Variants in BCAS3 observed in about 807,000 individuals in gnomAD.
The protein encoded by BCAS3 is BCAS4/BCAS3 fusion.
BCAS3 carries 53 observed loss-of-function variants against 116.1 expected under a neutral mutation model. The observed-to-expected ratio is 0.46, with a 90% CI of 0.37 to 0.57. The LOEUF (loss-of-function observed/expected upper bound fraction) is 0.57, where lower values mean the gene tolerates loss of function less well. BCAS3 is among the 20% of genes least tolerant of loss of function. The pLI is 0.00. For synonymous variants in BCAS3, 391 were observed against 408.2 expected, an observed-to-expected ratio of 0.96 and a Z score of 0.51; for missense variants, 917 against 1,165.4, an observed-to-expected ratio of 0.79 and a Z score of 3.10.
At chr17:61,114,005 A>G (rs1205789664) in intron 22 of BCAS3, among the ~76,000 whole-genome samples, 2 of 151,360 alleles carry the variant, frequency 1.3e-5, no homozygotes, top group East Asian at 3.9e-4. Flanking sequence ...TTATCTCAAT[A>G]GATGCAGAAA....
chr17:61,151,835 C>A lies in BCAS3; in HGVS notation c.2425+67271C>A, dbSNP rs1411770949. On this transcript the variant is annotated intron_variant, in intron 22 of 23. Transcript: ENST00000407086. This position sits in a 1 kb window ranked among gnomAD's most constrained non-coding sequence, Gnocchi z 4.8. ...CTGGATACAGTGTTGATGAGATAGA[C>A]CACAGGCTTTTCATGCCAATACTCC... 1.3e-5 allele frequency among the ~76,000 whole-genome samples: 2 copies of A among 152,148 alleles called. No homozygotes were observed. Among genetic ancestry groups the A allele is most frequent in the African/African-American group, 4.8e-5 (2 of 41,420 alleles).
rs1024518935 is a variant in BCAS3, at chr17:61,189,019, C to CT, written c.2425+104457dup. Among the ~76,000 whole-genome samples, 10 of 152,054 alleles carry CT rather than the reference C, an allele frequency of 6.6e-5. No individual in the cohort carries two copies. The East Asian group carries it at 1.5e-3, about 24-fold the overall frequency. Reference sequence around the variant, plus strand: ...TTGGGAGGTTAAAGCAGGAGAATTGCTTGAGGCCGGGAGATTGAGGCTGCA... The same window carrying CT: ...TTGGGAGGTTAAAGCAGGAGAATTGCTTTGAGGCCGGGAGATTGAGGCTGCA... On this transcript the variant is annotated intron_variant, in intron 22 of 23. Transcript: ENST00000407086. The surrounding 1 kb of genome is among the most constrained non-coding windows in gnomAD (Gnocchi z 4.5).
intron 22 of BCAS3, among the ~76,000 whole-genome samples, chr17:61,195,447 C>A (rs1414356781): frequency 6.6e-6 from 1 of 152,190 alleles, no homozygotes; most frequent in African/African-American, 2.4e-5. Flanking sequence ...GCAGCCTCAA[C>A]CTCCTGGGCT....
At chr17:60,736,892 C>A (rs1437662009) in intron 5 of BCAS3, among the ~76,000 whole-genome samples, 1 of 130,494 alleles carries the variant, frequency 7.7e-6, no homozygotes. Context: ...CTCCCTCCCT[C>A]CCTCCCTTCC....
At chr17:61,197,172 T>C (rs1221960650) in intron 22 of BCAS3, among the ~76,000 whole-genome samples, 1 of 152,232 alleles carries the variant, frequency 6.6e-6, no homozygotes, top group African/African-American at 2.4e-5. Flanking sequence ...GAAGAGTATA[T>C]GACTTTCAAA....
Position 61,365,937 on chromosome 17 carries a change from G to A in BCAS3, c.2426-2390G>A, listed in dbSNP as rs1662640931. 6.6e-6 allele frequency among the ~76,000 whole-genome samples: 1 copy of A among 152,076 alleles called. No individual in the cohort carries two copies. Among genetic ancestry groups the A allele is most frequent in the South Asian group, 2.1e-4 (1 of 4,822 alleles). ...ACAGGTGGATCGTTTGAGATCAGAA[G>A]TTCAAGACCAGCCTGGCCTACATGG... On this transcript the variant is annotated intron_variant, in intron 22 of 23. Coordinates refer to ENST00000407086, the MANE Select transcript of BCAS3 (RefSeq NM_017679.5). The surrounding 1 kb of genome is among the most constrained non-coding windows in gnomAD (Gnocchi z 4.6).
intron 6 of BCAS3, among the ~76,000 whole-genome samples, chr17:60,798,545 C>T (rs576388230): frequency 2.2e-4 from 34 of 152,248 alleles, no homozygotes; most frequent in African/African-American, 7.9e-4. Context: ...TCTTTTTAGT[C>T]TGTTGTTTGG....
At chr17:60,935,002 A>G (rs1232329973) in intron 13 of BCAS3, among the ~76,000 whole-genome samples, 1 of 152,142 alleles carries the variant, frequency 6.6e-6, no homozygotes, top group Non-Finnish European at 1.5e-5. Context: ...TACTAACAAT[A>G]CAAAAATCAG....
intron 19 of BCAS3, among the ~76,000 whole-genome samples, chr17:61,048,624 A>C (rs1461877213): frequency 1.3e-5 from 2 of 151,974 alleles, no homozygotes; most frequent in Non-Finnish European, 2.9e-5. Context: ...AGCTATAATC[A>C]CTGAGTTGAG....
In BCAS3 at chr17:61,020,954, TA is replaced by T. The variant is rs1317462100; in HGVS notation, c.1637+5056del. ...ACTAGGTGGAGCACTTTTTGTGAAGTAAACATGGGATGATTTGCTCTCTCGT... is the reference window on the plus strand; with the variant it reads ...ACTAGGTGGAGCACTTTTTGTGAAGTAACATGGGATGATTTGCTCTCTCGT... On this transcript the variant is annotated intron_variant, in intron 16 of 23. Transcript: ENST00000407086. This position sits in a 1 kb window ranked among gnomAD's most constrained non-coding sequence, Gnocchi z 4.5. 3.3e-5 allele frequency among the ~76,000 whole-genome samples: 5 copies of T among 152,210 alleles called. No homozygotes were observed. Among genetic ancestry groups the T allele is most frequent in the Non-Finnish European group, 5.9e-5 (4 of 68,014 alleles).
chr17:60,978,662 C>T (rs1445395973), intron 14 of BCAS3, among the ~76,000 whole-genome samples: 3 of 152,140 alleles, frequency 2.0e-5, no homozygotes, highest in Non-Finnish European at 4.4e-5. Context: ...TTTAATCCAT[C>T]CTGAATTGAT....
At chr17:61,147,372 G>A (rs973254715) in intron 22 of BCAS3, among the ~76,000 whole-genome samples, 25 of 151,852 alleles carry the variant, frequency 1.6e-4, no homozygotes, top group African/African-American at 4.8e-4. Context: ...CACCGCACCC[G>A]GCCATACCTG....
chr17:61,026,774 A>G lies in BCAS3; in HGVS notation c.1638-7892A>G. ...ACTAATTTTTTAGTTATTTTTATCCATACTCTATAACAGTATGATATACTT... is the reference window on the plus strand; with the variant it reads ...ACTAATTTTTTAGTTATTTTTATCCGTACTCTATAACAGTATGATATACTT... On this transcript the variant is annotated intron_variant, in intron 16 of 23. Transcript: ENST00000407086. The surrounding 1 kb of genome is among the most constrained non-coding windows in gnomAD (Gnocchi z 5.0). The G allele has an allele frequency of 8.4e-7, 1 of 1,195,254 alleles. No homozygotes were observed. Among genetic ancestry groups the G allele is most frequent in the Non-Finnish European group, 1.2e-6 (1 of 830,222 alleles). 74.0% of individuals were successfully genotyped at this position (1,195,254 alleles called of 1,614,324 possible). A position where few individuals can be genotyped will look rare whatever the true frequency, so the allele number is the denominator to read the frequency against.
rs559006160 is a variant in BCAS3, at chr17:60,944,146, A to G, written c.1088-3073A>G. ...AATAATAAATATAGTAACAGAAATC[A>G]GTGAAATTGAAAAGAGAAAAACAGA... On this transcript the variant is annotated intron_variant, in intron 13 of 23. Coordinates refer to ENST00000407086, the MANE Select transcript of BCAS3 (RefSeq NM_017679.5). Among the ~76,000 whole-genome samples the G allele has an allele frequency of 7.9e-5, 12 of 152,126 alleles. No homozygotes were observed. The South Asian group carries it at 2.5e-3, about 32-fold the overall frequency.
chr17:60,815,431 C>T (rs1053338579), intron 7 of BCAS3, among the ~76,000 whole-genome samples: 13 of 151,204 alleles, frequency 8.6e-5, no homozygotes, highest in African/African-American at 2.4e-4. Flanking sequence ...TACCCTAGAA[C>T]TTAAAGTGTA....
intron 22 of BCAS3, among the ~76,000 whole-genome samples, chr17:61,138,517 A>G (rs1324712963): frequency 6.6e-6 from 1 of 152,228 alleles, no homozygotes; most frequent in Non-Finnish European, 1.5e-5. Context: ...TGTTACTTCA[A>G]CATTTCTGAA....
intron 15 of BCAS3, among the ~76,000 whole-genome samples, chr17:61,014,095 G>A (rs1460573033): frequency 2.6e-5 from 4 of 152,072 alleles, no homozygotes. Flanking sequence ...AAATTTATAT[G>A]TGTGTTTACT....
At chr17:61,273,229 C>G (rs925564963) in intron 22 of BCAS3, among the ~76,000 whole-genome samples, 5 of 151,862 alleles carry the variant, frequency 3.3e-5, no homozygotes, top group African/African-American at 1.2e-4. Context: ...CCACCTCAGT[C>G]CCCCAAGTAG....
rs1482758083 is a variant in BCAS3, at chr17:61,128,551, G to A, written c.2425+43987G>A. 2 of 985,342 alleles carry A rather than the reference G, an allele frequency of 2.0e-6. No homozygotes were observed. The highest frequency in any genetic ancestry group is 2.4e-6 in the Non-Finnish European group (2 of 829,906). The allele number at this position is 985,342 out of a possible 1,614,324, so 61.0% of individuals were successfully genotyped here. On this transcript the variant is annotated intron_variant, in intron 22 of 23. Coordinates refer to ENST00000407086, the MANE Select transcript of BCAS3 (RefSeq NM_017679.5). This position sits in a 1 kb window ranked among gnomAD's most constrained non-coding sequence, Gnocchi z 4.1. ...CTATCCCAAATCGTTTGAATCGTTTGACTGCTATACACAATCCCCAGCACT... is the reference window on the plus strand; with the variant it reads ...CTATCCCAAATCGTTTGAATCGTTTAACTGCTATACACAATCCCCAGCACT...
Sources: gnomAD v4.1 joint callset for allele counts (sites outside exome capture counted in the v4.1 genomes callset) on GRCh38, gnomAD v4.1.1 for gene constraint, Gnocchi (gnomAD v3.1) non-coding constraint, MANE v1.5 for transcripts, NCBI Gene and HGNC (gene_info 2026-07-23, HGNC 2026-07-21) for gene names.